The following PCDH9 variants were observed in gnomAD, a reference collection of about 807,000 sequenced individuals.
PCDH9 encodes the protein protocadherin-9.
A neutral mutation model predicts 70.6 loss-of-function variants in PCDH9; 24 were observed. The ratio of observed to expected loss-of-function variants is 0.34; its 90% CI spans 0.25 to 0.48. The LOEUF is 0.48. Ranked by LOEUF, PCDH9 falls within the 20% of genes least tolerant of loss-of-function variation. The probability of loss-of-function intolerance (pLI) is 0.99; values close to 1 mark genes in which losing one functional copy is unlikely to be tolerated. For synonymous variants in PCDH9, 562 were observed against 558.5 expected (o/e 1.01, Z -0.09); for missense variants, 1,281 against 1,503.6 (o/e 0.85, Z 2.45).
intron 2 of PCDH9, among the ~76,000 whole-genome samples, chr13:66,971,721 A>C (rs543309564): frequency 6.6e-6 from 1 of 152,130 alleles, no homozygotes; most frequent in South Asian, 2.1e-4. Context: ...GTTTGTCCTG[A>C]TGAAGAGCAG....
chr13:66,960,133 A>G (rs2083323678), intron 2 of PCDH9, among the ~76,000 whole-genome samples: 1 of 152,198 alleles, frequency 6.6e-6, no homozygotes, highest in Non-Finnish European at 1.5e-5. Flanking sequence ...AACTGGACTG[A>G]AATCAAAACA....
At chr13:66,388,153 T>C (rs1956961246) in intron 4 of PCDH9, among the ~76,000 whole-genome samples, 1 of 152,170 alleles carries the variant, frequency 6.6e-6, no homozygotes, top group South Asian at 2.1e-4. Flanking sequence ...AAAGTAAAGA[T>C]ATATTTCCCT....
chr13:67,199,161 T>C (rs774150757), intron 2 of PCDH9, among the ~76,000 whole-genome samples: 6 of 151,588 alleles, frequency 4.0e-5, no homozygotes, highest in Admixed American at 4.0e-4. Flanking sequence ...TGTATAAATA[T>C]ATTCTATATC....
intron 2 of PCDH9, among the ~76,000 whole-genome samples, chr13:66,909,067 A>G (rs1323828408): frequency 6.6e-6 from 1 of 152,062 alleles, no homozygotes; most frequent in East Asian, 1.9e-4. Flanking sequence ...TTTTTTTTTA[A>G]TTGCTTTTTT....
At chr13:66,440,315 A>T in intron 4 of PCDH9, among the ~76,000 whole-genome samples, 1 of 152,102 alleles carries the variant, frequency 6.6e-6, no homozygotes, top group Non-Finnish European at 1.5e-5. Flanking sequence ...AGTCACTGCT[A>T]CTTTTGTTTA....
intron 2 of PCDH9, among the ~76,000 whole-genome samples, chr13:66,955,915 A>G (rs987070535): frequency 6.6e-6 from 1 of 152,134 alleles, no homozygotes; most frequent in Non-Finnish European, 1.5e-5. Flanking sequence ...AATATGGTGA[A>G]ACCCCGTTTC....
intron 2 of PCDH9, among the ~76,000 whole-genome samples, chr13:67,044,904 G>A (rs1180821590): frequency 6.6e-6 from 1 of 152,124 alleles, no homozygotes. Flanking sequence ...CAAAAGATAT[G>A]TTGTGGATTA....
At chr13:66,889,017 C>G (rs958105686) in intron 3 of PCDH9, among the ~76,000 whole-genome samples, 1 of 152,162 alleles carries the variant, frequency 6.6e-6, no homozygotes, top group African/African-American at 2.4e-5. Flanking sequence ...GAAGATAGAT[C>G]CAGGTTAGGA....
intron 2 of PCDH9, among the ~76,000 whole-genome samples, chr13:67,182,258 T>C (rs1251399114): frequency 2.0e-5 from 3 of 152,188 alleles, no homozygotes; most frequent in African/African-American, 4.8e-5. Context: ...TTCACCTGAA[T>C]ATGTTCCAGA....
At chr13:66,749,128 C>A (rs1421228883) in intron 3 of PCDH9, among the ~76,000 whole-genome samples, 1 of 152,158 alleles carries the variant, frequency 6.6e-6, no homozygotes, top group African/African-American at 2.4e-5. Context: ...AACTTCTTTC[C>A]TTTAGAAATT....
In PCDH9 at chr13:66,863,346, T is replaced by C. The variant is rs1344732309; in HGVS notation, c.3138+40158A>G. 2.6e-5 allele frequency among the ~76,000 whole-genome samples: 4 copies of C among 152,186 alleles called. No individual in the cohort carries two copies. In the South Asian group the frequency reaches 6.2e-4, roughly 24 times the overall value. ...TTGAGATAATGCATGGAAAATGCAC[T>C]TAGTATACTGCCCAGCAAATAATAA... On this transcript the variant is annotated intron_variant, in intron 3 of 4. Transcript: ENST00000377865.
intron 2 of PCDH9, chr13:67,224,836 G>A (rs1297807013): frequency 4.3e-6 from 4 of 933,048 alleles, no homozygotes; most frequent in African/African-American, 1.8e-5. Flanking sequence ...TGAAATCAAA[G>A]AGAAGACTTC....
chr13:66,800,390 C>A (rs928681286), intron 3 of PCDH9, among the ~76,000 whole-genome samples: 5 of 152,266 alleles, frequency 3.3e-5, no homozygotes, highest in Admixed American at 2.6e-4. Context: ...CCTACCCCCA[C>A]TAGCAATCAT....
chr13:66,502,982 G>C (rs926980856), intron 4 of PCDH9, among the ~76,000 whole-genome samples: 8 of 152,136 alleles, frequency 5.3e-5, no homozygotes, highest in Admixed American at 2.6e-4. Context: ...AACAATATAG[G>C]CATGGTCCTG....
intron 2 of PCDH9, among the ~76,000 whole-genome samples, chr13:67,122,750 G>A (rs1038290938): frequency 6.8e-6 from 1 of 146,174 alleles, no homozygotes; most frequent in Non-Finnish European, 1.5e-5. Flanking sequence ...CTCCAGCCTG[G>A]CGACAGAGCA....
At chr13:67,195,182 T>G (rs920404103) in intron 2 of PCDH9, among the ~76,000 whole-genome samples, 4 of 151,844 alleles carry the variant, frequency 2.6e-5, no homozygotes, top group Non-Finnish European at 5.9e-5. Context: ...GTCTCGCTCT[T>G]TCGCCCAGGC....
intron 4 of PCDH9, among the ~76,000 whole-genome samples, chr13:66,345,473 T>G (rs1483905030): frequency 6.6e-6 from 1 of 152,112 alleles, no homozygotes; most frequent in African/African-American, 2.4e-5. Context: ...CACTGAGCTA[T>G]CAAAGGCATT....
intron 4 of PCDH9, among the ~76,000 whole-genome samples, chr13:66,585,431 C>T (rs1335286309): frequency 6.6e-6 from 1 of 152,060 alleles, no homozygotes; most frequent in African/African-American, 2.4e-5. Flanking sequence ...AGATTCTTAT[C>T]TCTGCATTCC....
rs1176220175 is a variant in PCDH9 at position 66,860,102 on chromosome 13, GA to G, written c.3138+43401del. 3.9e-5 allele frequency among the ~76,000 whole-genome samples: 6 copies of G among 152,292 alleles called. No individual in the cohort carries two copies. The East Asian group carries it at 9.6e-4, about 24-fold the overall frequency. Reference sequence around the variant, plus strand: ...ATGAAATGAGGGTAATAGAGTCAAGGACGCCAGAGCAAACAGTTTATATTTC... The same window carrying G: ...ATGAAATGAGGGTAATAGAGTCAAGGCGCCAGAGCAAACAGTTTATATTTC... On this transcript the variant is annotated intron_variant, in intron 3 of 4. Coordinates refer to ENST00000377865, the MANE Select transcript of PCDH9 (RefSeq NM_203487.3).
Sources: gnomAD v4.1 joint callset for allele counts (sites outside exome capture counted in the v4.1 genomes callset) on GRCh38, gnomAD v4.1.1 for gene constraint, MANE v1.5 for transcripts, NCBI Gene and HGNC (gene_info 2026-07-23, HGNC 2026-07-21) for gene names.